CHRM2: variants seen among roughly 807,000 people sequenced by gnomAD.
CHRM2 encodes cholinergic receptor muscarinic 2.
Under a neutral mutation model 25.0 loss-of-function variants are expected in CHRM2, and 8 were observed. That is an observed-to-expected ratio of 0.32 (90% CI 0.19 to 0.58). CHRM2 has a LOEUF of 0.58. Among genes scored for constraint, CHRM2 ranks in the 20% least tolerant of loss-of-function variants. The pLI is 0.88. For missense variants in CHRM2, 440 were observed against 567.1 expected (o/e 0.78, Z 2.28); for synonymous variants, 202 against 205.7 (o/e 0.98, Z 0.15).
At chr7:136,958,283 A>T (rs2350783) in intron 2 of CHRM2, among the ~76,000 whole-genome samples, 96,716 of 151,864 alleles carry the variant, frequency 0.64, 31,256 homozygotes, top group African/African-American at 0.67. Context: ...TTCATCCATG[A>T]TAGCAGCAGC....
intron 2 of CHRM2, among the ~76,000 whole-genome samples, chr7:136,939,763 C>T (rs1799655321): frequency 6.6e-6 from 1 of 152,116 alleles, no homozygotes. Flanking sequence ...ATAAAGCACA[C>T]ATTTCAGTAC....
intron 2 of CHRM2, among the ~76,000 whole-genome samples, chr7:136,917,200 G>A (rs577530928): frequency 6.7e-5 from 10 of 148,846 alleles, no homozygotes; most frequent in South Asian, 2.1e-4. Flanking sequence ...AGGCTTGTCC[G>A]CTTACTATTA....
intron 2 of CHRM2, among the ~76,000 whole-genome samples, chr7:136,874,576 C>CT (rs2130467036): frequency 6.9e-6 from 1 of 144,326 alleles, no homozygotes; most frequent in South Asian, 2.4e-4. Flanking sequence ...TGCCCCCCCT[C>CT]TCTCCCCTCT....
intron 3 of CHRM2, among the ~76,000 whole-genome samples, chr7:136,994,521 CTTTTTT>C (rs757243972): frequency 5.6e-5 from 4 of 71,416 alleles, no homozygotes; most frequent in East Asian, 7.9e-4. Flanking sequence ...TTTTTCTTTT[CTTTTTT>C]TTTTTTTTTT....
At chr7:137,003,202 G>A (rs1279280422) in intron 3 of CHRM2, among the ~76,000 whole-genome samples, 1 of 152,106 alleles carries the variant, frequency 6.6e-6, no homozygotes, top group Non-Finnish European at 1.5e-5. Context: ...AAGATATGCA[G>A]CCTGGTAGGG....
chr7:137,003,480 A>T (rs1159443644), intron 3 of CHRM2, among the ~76,000 whole-genome samples: 6 of 108 alleles, frequency 0.056, no homozygotes, highest in African/African-American at 0.16. Flanking sequence ...GCATACACAC[A>T]CACACACACA....
chr7:136,898,251 A>G (rs1797010733), intron 2 of CHRM2, among the ~76,000 whole-genome samples: 1 of 152,092 alleles, frequency 6.6e-6, no homozygotes, highest in East Asian at 1.9e-4. Flanking sequence ...GTACTTTGGG[A>G]ATGAAAAACA....
chr7:136,900,980 T>G (rs532588480), intron 2 of CHRM2, among the ~76,000 whole-genome samples: 3 of 152,240 alleles, frequency 2.0e-5, no homozygotes, highest in African/African-American at 7.2e-5. Flanking sequence ...CATGGATATA[T>G]TCTTATTTAT....
In CHRM2 at chr7:137,015,939, G is replaced by C. The variant is rs747925877; in HGVS notation, c.1074G>C (p.Gln358His). The C allele has an allele frequency of 7.4e-6, 12 of 1,613,022 alleles. No homozygotes were observed. Among genetic ancestry groups the C allele is most frequent in the Non-Finnish European group, 1.0e-5 (12 of 1,179,450 alleles). Reference protein sequence around the residue: ...GSSGQNGDEKQNIVARKIVKM... With the variant: ...GSSGQNGDEKHNIVARKIVKM... ...CAGGTCAGAATGGAGATGAAAAGCAGAATATTGTAGCCCGCAAGATTGTGA... is the reference window on the plus strand; with the variant it reads ...CAGGTCAGAATGGAGATGAAAAGCACAATATTGTAGCCCGCAAGATTGTGA... Residue 358 changes from glutamine (Q) to histidine (H), a missense_variant, in exon 4 of 4, where the codon CAG becomes CAC. Coordinates refer to ENST00000680005, the MANE Select transcript of CHRM2 (RefSeq NM_001006630.2). This position sits in a 1 kb window ranked among gnomAD's most constrained non-coding sequence, Gnocchi z 5.1.
chr7:136,916,695 C>G (rs1231943130), intron 2 of CHRM2, among the ~76,000 whole-genome samples: 3 of 150,418 alleles, frequency 2.0e-5, no homozygotes, highest in African/African-American at 7.3e-5. Flanking sequence ...AATTAATATA[C>G]CTGTTTTTAT....
intron 2 of CHRM2, among the ~76,000 whole-genome samples, chr7:136,886,694 C>A (rs976908609): frequency 6.6e-6 from 1 of 151,816 alleles, no homozygotes; most frequent in African/African-American, 2.4e-5. Flanking sequence ...TAGGAAAACT[C>A]TTCTCTACAA....
chr7:136,915,806 A>G (rs1798072397), intron 2 of CHRM2, among the ~76,000 whole-genome samples: 1 of 151,796 alleles, frequency 6.6e-6, no homozygotes, highest in South Asian at 2.1e-4. Context: ...AATAAAAAAT[A>G]TGGCAAGCAC....
chr7:136,906,242 A>G (rs1355430042), intron 2 of CHRM2, among the ~76,000 whole-genome samples: 2 of 149,404 alleles, frequency 1.3e-5, no homozygotes, highest in East Asian at 3.9e-4. Context: ...GTATGTACAT[A>G]TTATACATAT....
At chr7:136,996,821 A>G (rs1237868554) in intron 3 of CHRM2, among the ~76,000 whole-genome samples, 1 of 152,226 alleles carries the variant, frequency 6.6e-6, no homozygotes, top group African/African-American at 2.4e-5. Flanking sequence ...CAGTACTAAC[A>G]GCAAAGGTCA....
chr7:136,985,763 G>A (rs1386154225), intron 2 of CHRM2, among the ~76,000 whole-genome samples: 1 of 152,084 alleles, frequency 6.6e-6, no homozygotes, highest in Non-Finnish European at 1.5e-5. Context: ...TTCCACTACA[G>A]ACGACCAATA....
At chr7:136,874,805 T>C (rs375546642) in intron 2 of CHRM2, among the ~76,000 whole-genome samples, 9 of 152,040 alleles carry the variant, frequency 5.9e-5, no homozygotes, top group East Asian at 3.9e-4. Flanking sequence ...GCATGTCAAA[T>C]GTTGTTTACT....
intron 2 of CHRM2, among the ~76,000 whole-genome samples, chr7:136,921,794 CT>C (rs398006503): frequency 1.7e-5 from 2 of 116,534 alleles, no homozygotes; most frequent in Non-Finnish European, 4.1e-5. Context: ...TTCTTTCTTT[CT>C]TTTTTTTGAG....
chr7:136,873,188 G>A (rs1230385397), intron 2 of CHRM2, among the ~76,000 whole-genome samples: 1 of 152,274 alleles, frequency 6.6e-6, no homozygotes, highest in Non-Finnish European at 1.5e-5. Context: ...TACCCACTCT[G>A]TCCACCTTTG....
intron 2 of CHRM2, among the ~76,000 whole-genome samples, chr7:136,955,554 C>G (rs1800674400): frequency 6.6e-6 from 1 of 152,152 alleles, no homozygotes; most frequent in Admixed American, 6.5e-5. Context: ...ATGGCCATGA[C>G]AGAACATAGT....
Sources: gnomAD v4.1 joint callset for allele counts (sites outside exome capture counted in the v4.1 genomes callset) on GRCh38, gnomAD v4.1.1 for gene constraint, Gnocchi (gnomAD v3.1) non-coding constraint, MANE v1.5 for transcripts, NCBI Gene and HGNC (gene_info 2026-07-23, HGNC 2026-07-21) for gene names.